The following EPHA7 variants were observed in gnomAD, a reference collection of about 807,000 sequenced individuals.
EPHA7 encodes EPH receptor A7.
In EPHA7, 25 loss-of-function variants were observed where a neutral mutation model predicts 112.6. The observed-to-expected ratio is 0.22, with a 90% CI of 0.16 to 0.31. EPHA7 has a LOEUF of 0.31. Among genes scored for constraint, EPHA7 ranks in the 10% least tolerant of loss-of-function variants. EPHA7 has a pLI of 1.00. For synonymous variants in EPHA7, 437 were observed against 406.5 expected, an observed-to-expected ratio of 1.07 and a Z score of -0.90; for missense variants, 962 against 1,212.6, an observed-to-expected ratio of 0.79 and a Z score of 3.07.
rs537674093 is a variant in EPHA7, at chr6:93,315,754, G to GTT, written c.1324+40961_1324+40962dup. On this transcript the variant is annotated intron_variant, in intron 5 of 16. Coordinates refer to ENST00000369303, the MANE Select transcript of EPHA7 (RefSeq NM_004440.4). ...CAACTTTTTACCTAAGAAGTACTGT[G>GTT]TTTTGTCTTATCAATTTCATGGCCT... Among the ~76,000 whole-genome samples the GTT allele has an allele frequency of 1.4e-4, 22 of 152,216 alleles. No individual in the cohort carries two copies. The East Asian group carries it at 4.1e-3, about 28-fold the overall frequency.
chr6:93,317,500 A>AT (rs1296854142), intron 5 of EPHA7, among the ~76,000 whole-genome samples: 1 of 152,044 alleles, frequency 6.6e-6, no homozygotes, highest in Non-Finnish European at 1.5e-5. Flanking sequence ...TCTCAGATAC[A>AT]TTTTTCAGGT....
intron 3 of EPHA7, among the ~76,000 whole-genome samples, chr6:93,359,594 A>C (rs1776138561): frequency 6.6e-6 from 1 of 151,906 alleles, no homozygotes; most frequent in African/African-American, 2.4e-5. Context: ...CACATTTTTC[A>C]CTCTGCGGGG....
chr6:93,402,339 C>T (rs1301119399), intron 3 of EPHA7, among the ~76,000 whole-genome samples: 2 of 151,934 alleles, frequency 1.3e-5, no homozygotes, highest in African/African-American at 4.8e-5. Flanking sequence ...GAAATTGTGA[C>T]ATGATTCTAA....
chr6:93,258,556 T>C (rs1770548100), intron 10 of EPHA7, among the ~76,000 whole-genome samples: 1 of 138,278 alleles, frequency 7.2e-6, no homozygotes, highest in Non-Finnish European at 1.6e-5. Context: ...AGCTCTTTCA[T>C]AGAAGTTACG....
intron 5 of EPHA7, among the ~76,000 whole-genome samples, chr6:93,349,336 A>AATTACTAAAATGTC (rs1775571543): frequency 6.6e-6 from 1 of 151,852 alleles, no homozygotes; most frequent in African/African-American, 2.4e-5. Flanking sequence ...AAAGCATATG[A>AATTACTAAAATGTC]ATTACTAAAA....
intron 5 of EPHA7, among the ~76,000 whole-genome samples, chr6:93,296,442 A>T (rs374522226): frequency 0.16 from 13,795 of 87,842 alleles, 812 homozygotes; most frequent in Non-Finnish European, 0.22. Flanking sequence ...AAAATATATA[A>T]ATATATATAT....
At chr6:93,280,516 G>A (rs1222376263) in intron 5 of EPHA7, among the ~76,000 whole-genome samples, 45 of 152,118 alleles carry the variant, frequency 3.0e-4, no homozygotes, top group Admixed American at 2.9e-3. Flanking sequence ...GCTACACAAT[G>A]TGTCATTCAA....
chr6:93,277,963 A>G (rs1771549734), intron 5 of EPHA7, among the ~76,000 whole-genome samples: 1 of 151,998 alleles, frequency 6.6e-6, no homozygotes, highest in African/African-American at 2.4e-5. Flanking sequence ...GTAGAGTAAT[A>G]AAATACCTAA....
chr6:93,305,436 G>T (rs1582485767), intron 5 of EPHA7, among the ~76,000 whole-genome samples: 2 of 151,544 alleles, frequency 1.3e-5, no homozygotes, highest in Non-Finnish European at 3.0e-5. Context: ...TTTTTTAAAA[G>T]AAATCATTCC....
chr6:93,350,259 T>C (rs1036103884), intron 5 of EPHA7, among the ~76,000 whole-genome samples: 1 of 152,040 alleles, frequency 6.6e-6, no homozygotes, highest in African/African-American at 2.4e-5. Flanking sequence ...AGGTCTCCTT[T>C]TCACTTAACA....
Position 93,369,193 on chromosome 6 carries a change from C to T in EPHA7, c.833-10782G>A, listed in dbSNP as rs923638061. ...GAAAAATAAAGGCCACACACACACA[C>T]ACACACACACACACACACACACACT... On this transcript the variant is annotated intron_variant, in intron 3 of 16. Coordinates refer to ENST00000369303, the MANE Select transcript of EPHA7 (RefSeq NM_004440.4). Among the ~76,000 whole-genome samples, 581 of 151,382 alleles carry T rather than the reference C, an allele frequency of 3.8e-3. 4 individuals carry two copies. The highest frequency in any genetic ancestry group is 6.5e-3 in the Non-Finnish European group (437 of 67,686).
intron 5 of EPHA7, among the ~76,000 whole-genome samples, chr6:93,322,659 A>G (rs561049403): frequency 2.6e-5 from 4 of 151,828 alleles, no homozygotes; most frequent in Admixed American, 6.6e-5. Flanking sequence ...AGAGAGGCAT[A>G]CTAGTGACTA....
At chr6:93,252,773 C>G (rs1770271672) in intron 14 of EPHA7, among the ~76,000 whole-genome samples, 1 of 151,496 alleles carries the variant, frequency 6.6e-6, no homozygotes, top group South Asian at 2.1e-4. Flanking sequence ...AAACCTGTGA[C>G]CAAATTTATT....
At chr6:93,384,878 T>C (rs761086980) in intron 3 of EPHA7, among the ~76,000 whole-genome samples, 3 of 152,132 alleles carry the variant, frequency 2.0e-5, no homozygotes, top group Admixed American at 6.5e-5. Flanking sequence ...TAAAAAACTA[T>C]ATTACTATAT....
intron 5 of EPHA7, among the ~76,000 whole-genome samples, chr6:93,283,903 C>T (rs1454759028): frequency 6.6e-6 from 1 of 152,086 alleles, no homozygotes; most frequent in Non-Finnish European, 1.5e-5. Flanking sequence ...CTACTAATTA[C>T]TATAAATACA....
At chr6:93,269,730 A>G (rs931464748) in intron 6 of EPHA7, 70 bp from the exon 7 acceptor site, 8 of 1,222,142 alleles carry the variant, frequency 6.5e-6, no homozygotes, top group Non-Finnish European at 9.0e-6. Context: ...CAACTGTTTC[A>G]ATTTAATTCA....
intron 1 of EPHA7, among the ~76,000 whole-genome samples, chr6:93,417,420 C>G (rs1779295237): frequency 2.0e-5 from 3 of 152,212 alleles, no homozygotes; most frequent in Admixed American, 2.0e-4. Flanking sequence ...GATCACCACC[C>G]TCCCTCCCAT....
intron 3 of EPHA7, among the ~76,000 whole-genome samples, chr6:93,399,026 G>A (rs758331824): frequency 2.9e-4 from 44 of 152,160 alleles, no homozygotes; most frequent in Admixed American, 5.3e-4. Flanking sequence ...TCAGTTTTGA[G>A]AAACAGATAT....
chr6:93,389,760 A>T (rs1582651108), intron 3 of EPHA7, among the ~76,000 whole-genome samples: 2 of 152,088 alleles, frequency 1.3e-5, no homozygotes, highest in Admixed American at 6.6e-5. Flanking sequence ...AAGTTTTCTT[A>T]AAAAAATGAT....
Sources: allele counts gnomAD v4.1 joint callset (sites outside exome capture counted in the v4.1 genomes callset), GRCh38; gene constraint gnomAD v4.1.1; transcripts MANE v1.5; gene names NCBI Gene and HGNC (gene_info 2026-07-23, HGNC 2026-07-21).